NKAIN3: variants seen among roughly 807,000 people sequenced by gnomAD.
The protein encoded by NKAIN3 is sodium/potassium transporting ATPase interacting 3, also known as sodium/potassium-transporting ATPase subunit beta-1-interacting protein 3.
Under a neutral mutation model 30.2 loss-of-function variants are expected in NKAIN3, and 25 were observed. That is an observed-to-expected ratio of 0.83 (90% CI 0.60 to 1.16). NKAIN3 has a LOEUF of 1.16. Among genes scored for constraint, NKAIN3 ranks in the 50% most tolerant of loss-of-function variants. The probability of loss-of-function intolerance (pLI) is 0.00; values close to 1 mark genes in which losing one functional copy is unlikely to be tolerated. For missense variants in NKAIN3, 225 were observed against 254.1 expected (o/e 0.89, Z 0.78); for synonymous variants, 91 against 89.6 (o/e 1.02, Z -0.09).
chr8:62,327,001 T>G (rs1482035580), intron 1 of NKAIN3, among the ~76,000 whole-genome samples: 3 of 152,032 alleles, frequency 2.0e-5, no homozygotes, highest in Non-Finnish European at 4.4e-5. Context: ...TGTTTTTGTT[T>G]TTTGATAGTA....
In NKAIN3 at chr8:62,717,519, G is replaced by T. The variant is rs73685507; in HGVS notation, c.274-29413G>T. On this transcript the variant is annotated intron_variant, in intron 3 of 6. Transcript: ENST00000623646. ...ATTAAGGGTTTTTTTTTTTACAGTA[G>T]CAAGTAATGAATAATCATTATCCAG... is the stretch of plus-strand genomic sequence containing the variant. Among the ~76,000 whole-genome samples the T allele has an allele frequency of 9.9e-3, 1,500 of 151,634 alleles. 24 individuals carry two copies. Among genetic ancestry groups the T allele is most frequent in the African/African-American group, 0.034 (1,421 of 41,342 alleles).
At chr8:62,892,371 G>A (rs979263) in intron 4 of NKAIN3, among the ~76,000 whole-genome samples, 19,638 of 152,120 alleles carry the variant, frequency 0.13, 1,515 homozygotes, top group African/African-American at 0.2. Flanking sequence ...CTTCACATTA[G>A]CACCATGTGG....
intron 1 of NKAIN3, among the ~76,000 whole-genome samples, chr8:62,568,904 G>A (rs1187686983): frequency 1.3e-5 from 2 of 152,102 alleles, no homozygotes; most frequent in African/African-American, 4.8e-5. Context: ...GAACAACCTA[G>A]ACAATCACAC....
At chr8:62,326,142 A>G (rs1815117131) in intron 1 of NKAIN3, among the ~76,000 whole-genome samples, 1 of 151,920 alleles carries the variant, frequency 6.6e-6, no homozygotes, top group Non-Finnish European at 1.5e-5. Context: ...TTGGCTTTGG[A>G]AAGAAGAAAC....
At chr8:62,845,429 C>T (rs549393086) in intron 4 of NKAIN3, among the ~76,000 whole-genome samples, 2 of 151,376 alleles carry the variant, frequency 1.3e-5, no homozygotes, top group South Asian at 4.2e-4. Flanking sequence ...TTCTTTAGCT[C>T]ACTTGTCGCC....
At chr8:62,498,624 G>A (rs1162442626) in intron 1 of NKAIN3, among the ~76,000 whole-genome samples, 1 of 151,858 alleles carries the variant, frequency 6.6e-6, no homozygotes, top group Non-Finnish European at 1.5e-5. Context: ...TTTTAGGGAA[G>A]ACCTGAAAAG....
chr8:62,765,284 A>AAAGAAAAGAG (rs1816800112), intron 4 of NKAIN3, among the ~76,000 whole-genome samples: 1 of 151,346 alleles, frequency 6.6e-6, no homozygotes. Context: ...AAAGAAAAGA[A>AAAGAAAAGAG]AAGAAATTAT....
intron 1 of NKAIN3, among the ~76,000 whole-genome samples, chr8:62,413,215 C>A (rs1177587893): frequency 6.6e-6 from 1 of 152,176 alleles, no homozygotes; most frequent in Non-Finnish European, 1.5e-5. Context: ...TTTGTTCAGC[C>A]ATTGTGGAAA....
chr8:62,349,553 T>C (rs769496995), intron 1 of NKAIN3, among the ~76,000 whole-genome samples: 1 of 152,228 alleles, frequency 6.6e-6, no homozygotes, highest in East Asian at 1.9e-4. Context: ...AAAAGTGTAA[T>C]TGGAGAAGCA....
At chr8:62,958,073 G>A (rs72656540) in intron 6 of NKAIN3, among the ~76,000 whole-genome samples, 13,483 of 152,174 alleles carry the variant, frequency 0.089, 855 homozygotes, top group East Asian at 0.28. Flanking sequence ...ACAAGAAAAC[G>A]GGTATCCCCA....
At position 62,345,826 on chromosome 8, in the gene NKAIN3, A is replaced by ATG. The variant is rs145983637; in HGVS notation, c.54+96711_54+96712dup. 9.2e-3 allele frequency among the ~76,000 whole-genome samples: 1,398 copies of ATG among 151,636 alleles called. 13 individuals are homozygous for ATG. The highest frequency in any genetic ancestry group is 0.014 in the Non-Finnish European group (974 of 67,802). The stretch of plus-strand genomic sequence containing the variant: ...CTGTGTTGAAGAAAAATAAAACAGT[A>ATG]TGTGTGTGTGTGTATGTGTGTATGT... On this transcript the variant is annotated intron_variant, in intron 1 of 6. Transcript: ENST00000623646.
intron 1 of NKAIN3, among the ~76,000 whole-genome samples, chr8:62,480,112 ATCTTAT>A (rs1806665908): frequency 6.6e-6 from 1 of 152,166 alleles, no homozygotes; most frequent in African/African-American, 2.4e-5. Context: ...GTACTTCTTC[ATCTTAT>A]AACTGAAGGT....
chr8:62,602,015 A>T lies in NKAIN3; in HGVS notation c.273+12221A>T, dbSNP rs188824961. ...AAGCTCAGTCTTATATTTTTCATAA[A>T]TTTCATCAAATACAAATACCTCAAA... On this transcript the variant is annotated intron_variant, in intron 3 of 6. Coordinates refer to ENST00000623646, the MANE Select transcript of NKAIN3 (RefSeq NM_001304533.3). Among the ~76,000 whole-genome samples the T allele has an allele frequency of 2.6e-5, 4 of 152,194 alleles. No individual in the cohort carries two copies. The East Asian group carries it at 7.7e-4, about 29-fold the overall frequency.
intron 3 of NKAIN3, among the ~76,000 whole-genome samples, chr8:62,654,834 A>T (rs1345811489): frequency 1.3e-5 from 2 of 152,106 alleles, no homozygotes; most frequent in Non-Finnish European, 2.9e-5. Context: ...AACAAAAAAG[A>T]GGAACTCATG....
chr8:62,535,263 C>G (rs827711), intron 1 of NKAIN3, among the ~76,000 whole-genome samples: 32,294 of 152,068 alleles, frequency 0.21, 3,571 homozygotes, highest in South Asian at 0.29. Context: ...TCTGTGTTTT[C>G]TATTCTCACA....
At chr8:62,504,828 C>T (rs1377098400) in intron 1 of NKAIN3, among the ~76,000 whole-genome samples, 3 of 152,154 alleles carry the variant, frequency 2.0e-5, no homozygotes, top group Non-Finnish European at 4.4e-5. Context: ...TCCCTCACTA[C>T]TTCTCTTTCT....
At chr8:62,481,281 C>A (rs7001218) in intron 1 of NKAIN3, among the ~76,000 whole-genome samples, 49,507 of 151,918 alleles carry the variant, frequency 0.33, 9,659 homozygotes, top group South Asian at 0.45. Context: ...TCCCTCACCA[C>A]CTCTGACCTG....
intron 3 of NKAIN3, among the ~76,000 whole-genome samples, chr8:62,666,926 A>T (rs907177527): frequency 1.3e-5 from 2 of 152,002 alleles, no homozygotes; most frequent in African/African-American, 4.8e-5. Flanking sequence ...CCCAATTACA[A>T]CCTAAATTCC....
At chr8:62,963,928 C>T (rs1001275438) in intron 6 of NKAIN3, among the ~76,000 whole-genome samples, 3 of 152,134 alleles carry the variant, frequency 2.0e-5, no homozygotes, top group African/African-American at 7.2e-5. Context: ...ATTTTTCAGC[C>T]ATTCCAAATT....
Sources: gnomAD v4.1 joint callset for allele counts (sites outside exome capture counted in the v4.1 genomes callset) on GRCh38, gnomAD v4.1.1 for gene constraint, MANE v1.5 for transcripts, NCBI Gene and HGNC (gene_info 2026-07-23, HGNC 2026-07-21) for gene names.